The following RASAL2 variants were observed in gnomAD, a reference collection of about 807,000 sequenced individuals.
RASAL2 encodes ras GTPase-activating protein nGAP.
RASAL2 carries 58 observed loss-of-function variants against 128.9 expected under a neutral mutation model. The ratio of observed to expected loss-of-function variants is 0.45; its 90% CI spans 0.36 to 0.56. The LOEUF is 0.56. RASAL2 is among the 20% of genes least tolerant of loss of function. The pLI, the probability that RASAL2 is intolerant of heterozygous loss-of-function variation, is 0.00. For missense variants in RASAL2, 1,360 were observed against 1,601.6 expected (o/e 0.85, Z 2.57); for synonymous variants, 561 against 580.8 (o/e 0.97, Z 0.49).
intron 1 of RASAL2, among the ~76,000 whole-genome samples, chr1:178,257,346 C>T (rs141343699): frequency 8.8e-4 from 134 of 152,062 alleles, no homozygotes; most frequent in Middle Eastern, 3.4e-3. Flanking sequence ...AAAAAGAACA[C>T]TTCTTAATGT....
chr1:178,456,690 A>T (rs1312501774), intron 12 of RASAL2, 31 bp from the exon 13 acceptor site: 1 of 1,612,306 alleles, frequency 6.2e-7, no homozygotes, highest in African/African-American at 1.3e-5. Context: ...AATGCTTATT[A>T]TCCAATTAGG....
intron 3 of RASAL2, among the ~76,000 whole-genome samples, chr1:178,367,513 C>T (rs1433003387): frequency 1.3e-5 from 2 of 152,088 alleles, no homozygotes; most frequent in East Asian, 3.9e-4. Context: ...TCCCTGAGGA[C>T]AGAGATTTTG....
intron 11 of RASAL2, 86 bp downstream of exon 11, chr1:178,452,738 T>C (rs1677471414): frequency 9.5e-7 from 1 of 1,053,428 alleles, no homozygotes; most frequent in African/African-American, 1.6e-5. Flanking sequence ...GGGAGCCTCA[T>C]CACTCATGTT....
intron 3 of RASAL2, among the ~76,000 whole-genome samples, chr1:178,310,467 A>G (rs1230637056): frequency 6.6e-6 from 1 of 152,110 alleles, no homozygotes; most frequent in African/African-American, 2.4e-5. Context: ...TGACATGAAT[A>G]AAATAAAAAA....
chr1:178,385,057 C>A (rs183234652), intron 3 of RASAL2, among the ~76,000 whole-genome samples: 25 of 152,306 alleles, frequency 1.6e-4, no homozygotes, highest in African/African-American at 5.8e-4. Flanking sequence ...TCTTTTGGAA[C>A]CTAACCCTCA....
At position 178,161,602 on chromosome 1, in the gene RASAL2, C is replaced by A. The variant is rs112733125; in HGVS notation, c.202+66908C>A. 4.2e-3 allele frequency among the ~76,000 whole-genome samples: 640 copies of A among 152,232 alleles called. 3 individuals are homozygous for A. Among genetic ancestry groups the A allele is most frequent in the African/African-American group, 0.014 (582 of 41,540 alleles). Reference sequence around the variant, plus strand: ...TTTGTGAACACGTTTGTTGTTGACACATTTTTAGTTTTTTGGGTATATGCC... The same window carrying A: ...TTTGTGAACACGTTTGTTGTTGACAAATTTTTAGTTTTTTGGGTATATGCC... On this transcript the variant is annotated intron_variant, in intron 1 of 17. Coordinates refer to ENST00000367649, the MANE Select transcript of RASAL2 (RefSeq NM_170692.4).
chr1:178,173,576 T>C (rs1571583225), intron 1 of RASAL2, among the ~76,000 whole-genome samples: 3 of 152,214 alleles, frequency 2.0e-5, no homozygotes, highest in Admixed American at 2.0e-4. Flanking sequence ...TCAGTAGATC[T>C]GTAAAGAAGT....
At chr1:178,326,443 G>C (rs573040436) in intron 3 of RASAL2, among the ~76,000 whole-genome samples, 1 of 152,060 alleles carries the variant, frequency 6.6e-6, no homozygotes, top group East Asian at 1.9e-4. Context: ...AAAATTTATT[G>C]TATACTATTT....
At chr1:178,173,215 C>T (rs1360270076) in intron 1 of RASAL2, among the ~76,000 whole-genome samples, 2 of 152,044 alleles carry the variant, frequency 1.3e-5, no homozygotes, top group Non-Finnish European at 2.9e-5. Context: ...TCCAATGTGC[C>T]ACCTACGGGG....
chr1:178,407,625 A>T (rs1489070988), intron 4 of RASAL2, among the ~76,000 whole-genome samples: 1 of 152,198 alleles, frequency 6.6e-6, no homozygotes, highest in Non-Finnish European at 1.5e-5. Context: ...ATTTAAAAAT[A>T]GTTAATCACT....
rs533444482 is a variant in RASAL2 at position 178,353,855 on chromosome 1, G to C, written c.458-36245G>C. On this transcript the variant is annotated intron_variant, in intron 3 of 17. Transcript: ENST00000367649. ...GTGGTGGCTCATGCCTGTAGTCCCA[G>C]CTGCTCAGGAGGCTGAGGTGGGTGG... 2.1e-3 allele frequency among the ~76,000 whole-genome samples: 323 copies of C among 152,208 alleles called. 3 individuals carry two copies. The highest frequency in any genetic ancestry group is 7.3e-3 in the African/African-American group (302 of 41,530).
chr1:178,314,434 C>T (rs2102312098), intron 3 of RASAL2, among the ~76,000 whole-genome samples: 1 of 152,248 alleles, frequency 6.6e-6, no homozygotes, highest in Non-Finnish European at 1.5e-5. Context: ...CTTTAGATTA[C>T]AGATTTGCCA....
At chr1:178,211,748 T>G (rs1417942425) in intron 1 of RASAL2, among the ~76,000 whole-genome samples, 1 of 152,200 alleles carries the variant, frequency 6.6e-6, no homozygotes, top group Non-Finnish European at 1.5e-5. Context: ...TTACTCTCCC[T>G]TTCTCTCATT....
chr1:178,395,803 A>G (rs115742033), intron 4 of RASAL2, among the ~76,000 whole-genome samples: 1 of 146,150 alleles, frequency 6.8e-6, no homozygotes, highest in South Asian at 2.1e-4. Context: ...TTATTTATTC[A>G]TATGTGTATG....
At chr1:178,155,580 C>G (rs1306481958) in intron 1 of RASAL2, among the ~76,000 whole-genome samples, 1 of 151,768 alleles carries the variant, frequency 6.6e-6, no homozygotes, top group African/African-American at 2.4e-5. Flanking sequence ...AGTTCTGAAG[C>G]AGCCTCCTAC....
rs753335067 is a variant in RASAL2 at position 178,300,128 on chromosome 1, T to G, written c.457+10T>G. On this transcript the variant is annotated intron_variant, in intron 3 of 17. Coordinates refer to ENST00000367649, the MANE Select transcript of RASAL2 (RefSeq NM_170692.4). ...GGCGCCACTAAACTGGGTAAGCTAC[T>G]ATGAAAAGGAAATAAATTCCTAGCT... is the stretch of plus-strand genomic sequence containing the variant. The G allele has an allele frequency of 2.4e-5, 39 of 1,598,376 alleles. 2 individuals carry two copies. In the South Asian group the frequency reaches 4.3e-4, roughly 18 times the overall value.
At position 178,188,497 on chromosome 1, in the gene RASAL2, G is replaced by A. The variant is rs566313079; in HGVS notation, c.202+93803G>A. 5.3e-5 allele frequency among the ~76,000 whole-genome samples: 8 copies of A among 152,138 alleles called. No individual in the cohort carries two copies. In the South Asian group the frequency reaches 8.3e-4, roughly 16 times the overall value. ...CTGGTTTTCTAGGTGTTTATAGGAG[G>A]GCAAGTTCAGTATCGGTCACTTGGT... On this transcript the variant is annotated intron_variant, in intron 1 of 17. Coordinates refer to ENST00000367649, the MANE Select transcript of RASAL2 (RefSeq NM_170692.4).
chr1:178,213,773 GAA>G (rs972751863), intron 1 of RASAL2, among the ~76,000 whole-genome samples: 1 of 151,648 alleles, frequency 6.6e-6, no homozygotes, highest in African/African-American at 2.4e-5. Context: ...ACAAAAGACT[GAA>G]AAAGAGTATG....
intron 1 of RASAL2, among the ~76,000 whole-genome samples, chr1:178,197,284 C>T (rs575105110): frequency 4.3e-4 from 66 of 152,022 alleles, no homozygotes; most frequent in Admixed American, 7.2e-4. Flanking sequence ...GGTGAAACCT[C>T]GTCTCTATTA....
Sources: gnomAD v4.1 joint callset for allele counts (sites outside exome capture counted in the v4.1 genomes callset) on GRCh38, gnomAD v4.1.1 for gene constraint, MANE v1.5 for transcripts, NCBI Gene and HGNC (gene_info 2026-07-23, HGNC 2026-07-21) for gene names.